Variants in GRAMD1C observed in about 807,000 individuals in gnomAD.
GRAMD1C encodes the protein protein Aster-C.
A neutral mutation model predicts 97.8 loss-of-function variants in GRAMD1C; 89 were observed. The observed-to-expected ratio is 0.91, with a 90% confidence interval of 0.77 to 1.09. The LOEUF is 1.09. Ranked by LOEUF, GRAMD1C falls within the 50% of genes least tolerant of loss-of-function variation. The probability of loss-of-function intolerance (pLI) is 0.00; values close to 1 mark genes in which losing one functional copy is unlikely to be tolerated. For missense variants in GRAMD1C, 740 were observed against 766.4 expected, an observed-to-expected ratio of 0.97 and a Z score of 0.41; for synonymous variants, 256 against 267.0, an observed-to-expected ratio of 0.96 and a Z score of 0.40.
intron 5 of GRAMD1C, among the ~76,000 whole-genome samples, chr3:113,879,606 C>T (rs1414336901): frequency 6.6e-6 from 1 of 151,612 alleles, no homozygotes; most frequent in Non-Finnish European, 1.5e-5. Context: ...CATTCTTGTT[C>T]TAATACAGTT....
At chr3:113,938,454 A>G (rs1937625820) in intron 15 of GRAMD1C, 2 of 207,692 alleles carry the variant, frequency 9.6e-6, no homozygotes, top group East Asian at 2.5e-4. Context: ...GGGAATATTT[A>G]TATATACATG....
At chr3:113,897,039 G>A (rs1157937481) in intron 6 of GRAMD1C, among the ~76,000 whole-genome samples, 3 of 152,204 alleles carry the variant, frequency 2.0e-5, no homozygotes, top group Admixed American at 2.0e-4. Context: ...TTTCAGTGAT[G>A]AGAGATGTGC....
Position 113,936,427 on chromosome 3 carries a change from A to G in GRAMD1C, c.1618A>G (p.Lys540Glu). 6.2e-7 allele frequency: 1 copy of G among 1,607,734 alleles called. No individual in the cohort carries two copies. The highest frequency in any genetic ancestry group is 1.1e-5 in the South Asian group (1 of 89,932). Residue 540 changes from lysine to glutamate, a missense_variant, in exon 14 of 18, where the codon AAA becomes GAA. Physicochemically the swap from Lys to Glu is moderately conservative, Grantham distance 56. Transcript: ENST00000358160. ...HSSGDVGLGA[K>E]GDITGKKKEM... ...CTCTGGAGATGTGGGCTTAGGTGCC[A>G]AAGGGGATATTACAGGTAGTTGTCA...
chr3:113,847,517 T>G (rs1933665255), intron 2 of GRAMD1C, among the ~76,000 whole-genome samples: 1 of 152,202 alleles, frequency 6.6e-6, no homozygotes, highest in African/African-American at 2.4e-5. Context: ...AGAAATGGTG[T>G]TTTAAAAGTC....
intron 10 of GRAMD1C, among the ~76,000 whole-genome samples, chr3:113,927,500 C>G (rs939465127): frequency 1.3e-5 from 2 of 152,166 alleles, no homozygotes; most frequent in Non-Finnish European, 2.9e-5. Flanking sequence ...AGAGGGAGGG[C>G]TTCTCCCTCC....
At chr3:113,928,571 A>G (rs781419240) in intron 10 of GRAMD1C, among the ~76,000 whole-genome samples, 9 of 152,188 alleles carry the variant, frequency 5.9e-5, no homozygotes, top group Non-Finnish European at 1.3e-4. Flanking sequence ...GCCACCATCC[A>G]TCTTCAGAAC....
chr3:113,832,716 T>C (rs1709575841), intron 1 of GRAMD1C, among the ~76,000 whole-genome samples: 1 of 152,200 alleles, frequency 6.6e-6, no homozygotes, highest in Non-Finnish European at 1.5e-5. Flanking sequence ...CTTTGTTTTA[T>C]GTGGCCACAT....
intron 1 of GRAMD1C, among the ~76,000 whole-genome samples, chr3:113,840,854 CAG>C (rs2108066713): frequency 6.6e-6 from 1 of 152,296 alleles, no homozygotes; most frequent in Middle Eastern, 3.4e-3. Flanking sequence ...AGACTGTCCT[CAG>C]GGGAGGATGT....
At chr3:113,943,203 G>A (rs541751395) in intron 17 of GRAMD1C, among the ~76,000 whole-genome samples, 1 of 152,272 alleles carries the variant, frequency 6.6e-6, no homozygotes, top group East Asian at 1.9e-4. Context: ...CATCTGGCTT[G>A]TAAAAAGAAT....
chr3:113,850,413 C>A, intron 2 of GRAMD1C: 1 of 1,059,096 alleles, frequency 9.4e-7, no homozygotes, highest in Admixed American at 1.7e-5. Context: ...CCCTCCAGAC[C>A]TTTAGGCCAA....
chr3:113,919,877 G>A (rs944436622), intron 10 of GRAMD1C: 1 of 653,300 alleles, frequency 1.5e-6, no homozygotes, highest in South Asian at 1.4e-5. Flanking sequence ...CACAGGAATT[G>A]GACCCAGTAC....
At chr3:113,866,766 C>T (rs1934599982) in intron 2 of GRAMD1C, among the ~76,000 whole-genome samples, 1 of 151,802 alleles carries the variant, frequency 6.6e-6, no homozygotes, top group Non-Finnish European at 1.5e-5. Flanking sequence ...ACCTTTGCTT[C>T]AACTAATGTT....
intron 6 of GRAMD1C, among the ~76,000 whole-genome samples, chr3:113,899,974 T>C (rs893159054): frequency 1.2e-4 from 18 of 152,272 alleles, no homozygotes; most frequent in African/African-American, 4.3e-4. Flanking sequence ...AATATTCAGA[T>C]ACATTATGGA....
chr3:113,887,625 G>A (rs1391757163), intron 6 of GRAMD1C, among the ~76,000 whole-genome samples: 2 of 149,552 alleles, frequency 1.3e-5, no homozygotes, highest in African/African-American at 2.5e-5. Context: ...GGAGAATGGC[G>A]TGAACCCAGG....
chr3:113,915,570 C>T (rs1160169742), intron 9 of GRAMD1C, 131 bp from the exon 10 acceptor site: 1 of 633,456 alleles, frequency 1.6e-6, no homozygotes, highest in Admixed American at 3.0e-5. Context: ...GAATGTTCTC[C>T]TCATTGTAAT....
At chr3:113,846,981 A>T (rs1389472915) in intron 2 of GRAMD1C, among the ~76,000 whole-genome samples, 1 of 152,202 alleles carries the variant, frequency 6.6e-6, no homozygotes, top group African/African-American at 2.4e-5. Context: ...AAAAGACCCC[A>T]TATAGCTAAA....
chr3:113,869,421 A>T, intron 2 of GRAMD1C, 86 bp from the exon 3 acceptor site: 1 of 746,476 alleles, frequency 1.3e-6, no homozygotes, highest in Non-Finnish European at 2.4e-6. Flanking sequence ...CATAGAAAGC[A>T]TATGATTTTA....
At chr3:113,861,910 G>A (rs13070555) in intron 2 of GRAMD1C, among the ~76,000 whole-genome samples, 46,017 of 152,022 alleles carry the variant, frequency 0.3, 7,966 homozygotes, top group Non-Finnish European at 0.38. Flanking sequence ...TTGAAGCTGG[G>A]TGTCCGGGGG....
chr3:113,891,402 T>C (rs888875716), intron 6 of GRAMD1C, among the ~76,000 whole-genome samples: 5 of 152,178 alleles, frequency 3.3e-5, no homozygotes, highest in African/African-American at 1.2e-4. Flanking sequence ...GTATTATCTA[T>C]AATTTTGTAA....
Sources: allele counts gnomAD v4.1 joint callset (sites outside exome capture counted in the v4.1 genomes callset), GRCh38; gene constraint gnomAD v4.1.1; transcripts MANE v1.5; gene names NCBI Gene and HGNC (gene_info 2026-07-23, HGNC 2026-07-21).